GALNT2: variants seen among roughly 807,000 people sequenced by gnomAD.
GALNT2 encodes polypeptide N-acetylgalactosaminyltransferase 2, also known as UDP-GalNAc:polypeptide N-acetylgalactosaminyltransferase 2.
In GALNT2, 31 loss-of-function variants were observed where a neutral mutation model predicts 81.4. The observed-to-expected ratio is 0.38, with a 90% confidence interval of 0.29 to 0.51. GALNT2 has a LOEUF of 0.51. Ranked by LOEUF, GALNT2 falls within the 20% of genes least tolerant of loss-of-function variation. GALNT2 has a pLI of 0.87. For missense variants in GALNT2, 629 were observed against 765.7 expected (o/e 0.82, Z 2.11); for synonymous variants, 303 against 287.4 (o/e 1.05, Z -0.55).
intron 1 of GALNT2, among the ~76,000 whole-genome samples, chr1:230,155,054 G>C (rs941628397): frequency 6.6e-6 from 1 of 152,112 alleles, no homozygotes; most frequent in African/African-American, 2.4e-5. Flanking sequence ...TGGGGCTTTG[G>C]TTTCCAAACA....
intron 1 of GALNT2, among the ~76,000 whole-genome samples, chr1:230,068,182 A>G (rs915473060): frequency 1.3e-5 from 2 of 152,244 alleles, no homozygotes; most frequent in Admixed American, 6.5e-5. Flanking sequence ...TGTTTTTAAC[A>G]TGCTCCAGGG....
chr1:230,166,029 C>T (rs1263737500), intron 1 of GALNT2, among the ~76,000 whole-genome samples: 1 of 152,134 alleles, frequency 6.6e-6, no homozygotes, highest in Admixed American at 6.5e-5. Flanking sequence ...CTGTATGAAC[C>T]GCCTTAACCC....
At chr1:230,146,238 G>A (rs187557192) in intron 1 of GALNT2, among the ~76,000 whole-genome samples, 25 of 152,254 alleles carry the variant, frequency 1.6e-4, no homozygotes, top group African/African-American at 5.5e-4. Context: ...CATGTATCTC[G>A]TTAGGGAGCC....
intron 10 of GALNT2, 21 bp from the exon 11 acceptor site, chr1:230,255,197 G>T (rs766986021): frequency 1.2e-6 from 2 of 1,614,096 alleles, no homozygotes; most frequent in South Asian, 2.2e-5. Context: ...TCAGTCACCT[G>T]TGTCTTGTTC....
chr1:230,261,234 G>A (rs529653137), intron 11 of GALNT2, among the ~76,000 whole-genome samples: 3 of 152,216 alleles, frequency 2.0e-5, no homozygotes, highest in Non-Finnish European at 2.9e-5. Flanking sequence ...GTTCTTATCT[G>A]TGTTGAATGG....
chr1:230,187,981 A>G (rs911179019), intron 2 of GALNT2, among the ~76,000 whole-genome samples: 2 of 152,128 alleles, frequency 1.3e-5, no homozygotes, highest in Non-Finnish European at 2.9e-5. Context: ...GGAAAAGGCA[A>G]CATTCGGGCA....
intron 1 of GALNT2, among the ~76,000 whole-genome samples, chr1:230,080,624 C>G (rs1659698121): frequency 6.6e-6 from 1 of 152,150 alleles, no homozygotes; most frequent in Non-Finnish European, 1.5e-5. Flanking sequence ...ACAGCTAGCT[C>G]TGGGTGTCTT....
chr1:230,263,064 T>C, intron 13 of GALNT2, 59 bp downstream of exon 13: 1 of 1,409,074 alleles, frequency 7.1e-7, no homozygotes, highest in South Asian at 1.2e-5. Flanking sequence ...AGTAAGGCCA[T>C]AGAAGCAGCA....
At chr1:230,081,318 A>G (rs1226265616) in intron 1 of GALNT2, among the ~76,000 whole-genome samples, 2 of 152,108 alleles carry the variant, frequency 1.3e-5, no homozygotes, top group Non-Finnish European at 2.9e-5. Context: ...TTCCCCATCC[A>G]GTGTTCAGTG....
chr1:230,075,466 C>T (rs1053047371), intron 1 of GALNT2, among the ~76,000 whole-genome samples: 18 of 152,332 alleles, frequency 1.2e-4, no homozygotes, highest in African/African-American at 4.1e-4. Context: ...ATTTGTGTTC[C>T]TACCCTCCAG....
At chr1:230,241,243 C>T (rs1401101769) in intron 6 of GALNT2, among the ~76,000 whole-genome samples, 3 of 152,080 alleles carry the variant, frequency 2.0e-5, no homozygotes, top group Non-Finnish European at 2.9e-5. Context: ...CTCCATTTTC[C>T]TGTTTCTTCT....
intron 1 of GALNT2, among the ~76,000 whole-genome samples, chr1:230,123,732 G>A (rs1661092109): frequency 6.6e-6 from 1 of 152,184 alleles, no homozygotes; most frequent in South Asian, 2.1e-4. Context: ...GGCAACAGGT[G>A]TACTTATGTT....
At chr1:230,227,196 A>G (rs1393739759) in intron 3 of GALNT2, among the ~76,000 whole-genome samples, 2 of 152,146 alleles carry the variant, frequency 1.3e-5, no homozygotes, top group Non-Finnish European at 2.9e-5. Context: ...AGTGCAAACC[A>G]TCAAAAGAAA....
chr1:230,086,856 T>A (rs561727535), intron 1 of GALNT2, among the ~76,000 whole-genome samples: 2 of 152,178 alleles, frequency 1.3e-5, no homozygotes, highest in African/African-American at 4.8e-5. Flanking sequence ...AGCTTTGGAG[T>A]CATGGAGTGG....
intron 2 of GALNT2, among the ~76,000 whole-genome samples, chr1:230,200,840 G>C (rs1333748950): frequency 1.3e-5 from 2 of 152,198 alleles, no homozygotes; most frequent in South Asian, 2.1e-4. Flanking sequence ...ACTCCGTCAT[G>C]GTTCTTTATT....
At chr1:230,074,599 C>A (rs958337394) in intron 1 of GALNT2, among the ~76,000 whole-genome samples, 2 of 152,222 alleles carry the variant, frequency 1.3e-5, no homozygotes, top group Non-Finnish European at 2.9e-5. Flanking sequence ...ATTTTGATTT[C>A]ATTCCTTCTG....
chr1:230,274,443 A>G lies in GALNT2; in HGVS notation c.1441-2A>G. The G allele has an allele frequency of 6.2e-7, 1 of 1,612,918 alleles. No individual in the cohort carries two copies. The highest frequency in any genetic ancestry group is 1.1e-5 in the South Asian group (1 of 90,708). ...CCTCTGACTTCTGGTTTTGTGTTCC[A>G]GGAATGGGCCTTGACGAAGGAGAAG... On this transcript the variant is annotated splice_acceptor_variant, in intron 14 of 15. Coordinates refer to ENST00000366672, the MANE Select transcript of GALNT2 (RefSeq NM_004481.5). LOFTEE classifies it high-confidence loss of function.
intron 1 of GALNT2, among the ~76,000 whole-genome samples, chr1:230,083,160 T>C (rs1659792356): frequency 7.4e-6 from 1 of 134,556 alleles, no homozygotes; most frequent in African/African-American, 2.9e-5. Flanking sequence ...GCAGCTGGGA[T>C]GACAGAGTGG....
chr1:230,245,730 A>T (rs898989883), intron 7 of GALNT2, among the ~76,000 whole-genome samples: 2 of 152,216 alleles, frequency 1.3e-5, no homozygotes, highest in African/African-American at 2.4e-5. Context: ...GACCCTTGGG[A>T]CACAGCAACA....
Sources: allele counts gnomAD v4.1 joint callset (sites outside exome capture counted in the v4.1 genomes callset), GRCh38; gene constraint gnomAD v4.1.1; transcripts MANE v1.5; gene names NCBI Gene and HGNC (gene_info 2026-07-23, HGNC 2026-07-21).